DLGAP2: variants seen among roughly 807,000 people sequenced by gnomAD.
The protein encoded by DLGAP2 is disks large-associated protein 2.
In DLGAP2, 26 loss-of-function variants were observed where a neutral mutation model predicts 100.3. That is an observed-to-expected ratio of 0.26 (90% confidence interval 0.19 to 0.36). The LOEUF (loss-of-function observed/expected upper bound fraction) is 0.36, where lower values mean the gene tolerates loss of function less well. DLGAP2 is among the 10% of genes least tolerant of loss of function. The pLI, the probability that DLGAP2 is intolerant of heterozygous loss-of-function variation, is 1.00. For synonymous variants in DLGAP2, 886 were observed against 630.1 expected (o/e 1.41, Z -6.08); for missense variants, 1,858 against 1,453.2 (o/e 1.28, Z -4.53).
At chr8:1,652,601 C>T (rs976726142) in intron 8 of DLGAP2, among the ~76,000 whole-genome samples, 5 of 152,086 alleles carry the variant, frequency 3.3e-5, no homozygotes, top group African/African-American at 7.2e-5. Context: ...GTCAGGTCAA[C>T]GACACCTAGG....
At chr8:1,277,117 G>A (rs1022199014) in intron 3 of DLGAP2, among the ~76,000 whole-genome samples, 12 of 152,080 alleles carry the variant, frequency 7.9e-5, no homozygotes, top group African/African-American at 2.9e-4. Flanking sequence ...TTATCTGCAT[G>A]CTCATTCATG....
At chr8:896,224 G>C (rs975525737) in intron 1 of DLGAP2, among the ~76,000 whole-genome samples, 2 of 148,110 alleles carry the variant, frequency 1.4e-5, no homozygotes, top group Non-Finnish European at 3.0e-5. Flanking sequence ...GGATGATAGT[G>C]GCTAGGTAGG....
chr8:1,544,274 T>G (rs1024966732), intron 4 of DLGAP2, among the ~76,000 whole-genome samples: 2 of 152,188 alleles, frequency 1.3e-5, no homozygotes, highest in East Asian at 3.9e-4. Flanking sequence ...TGGAATTGCT[T>G]TTCTAATTTC....
intron 3 of DLGAP2, among the ~76,000 whole-genome samples, chr8:1,455,007 A>T (rs1798266299): frequency 6.6e-6 from 1 of 151,984 alleles, no homozygotes; most frequent in South Asian, 2.1e-4. Context: ...ACCCGTGAGC[A>T]CTGTCAGCTA....
At chr8:1,492,557 C>T (rs901892631) in intron 3 of DLGAP2, among the ~76,000 whole-genome samples, 2 of 152,222 alleles carry the variant, frequency 1.3e-5, no homozygotes, top group African/African-American at 2.4e-5. Context: ...CCGCGCTTCG[C>T]TCCGCAAACA....
At chr8:857,563 C>T (rs1032426050) in intron 1 of DLGAP2, among the ~76,000 whole-genome samples, 5 of 152,070 alleles carry the variant, frequency 3.3e-5, no homozygotes, top group Admixed American at 6.5e-5. Context: ...AGATGACAAG[C>T]CACTGAAAAG....
chr8:1,041,988 C>T (rs905020482), intron 2 of DLGAP2, among the ~76,000 whole-genome samples: 8 of 152,220 alleles, frequency 5.3e-5, no homozygotes, highest in South Asian at 4.1e-4. Flanking sequence ...TCTTCTGGCT[C>T]GGCTGTCGAG....
intron 8 of DLGAP2, among the ~76,000 whole-genome samples, chr8:1,636,940 T>C (rs1217963386): frequency 2.0e-5 from 3 of 152,252 alleles, no homozygotes; most frequent in Non-Finnish European, 1.5e-5. Context: ...GCAGGGCATA[T>C]TCAGGTGTGT....
intron 6 of DLGAP2, chr8:1,604,628 AT>A (rs1796736564): frequency 6.6e-6 from 1 of 152,252 alleles, no homozygotes; most frequent in African/African-American, 2.4e-5. Context: ...ACATACTAGC[AT>A]GCGGAAGACC....
At chr8:1,425,904 A>G (rs1365911249) in intron 3 of DLGAP2, among the ~76,000 whole-genome samples, 2 of 152,182 alleles carry the variant, frequency 1.3e-5, no homozygotes, top group Non-Finnish European at 2.9e-5. Flanking sequence ...CAGGGAAGAA[A>G]GGAGACTGGG....
At chr8:1,203,126 G>A (rs562802487) in intron 2 of DLGAP2, among the ~76,000 whole-genome samples, 25 of 152,180 alleles carry the variant, frequency 1.6e-4, no homozygotes, top group South Asian at 4.2e-4. Flanking sequence ...TTGTTAGTTC[G>A]TTTGTTTGTT....
At chr8:1,082,773 C>G (rs929774228) in intron 2 of DLGAP2, among the ~76,000 whole-genome samples, 1 of 152,186 alleles carries the variant, frequency 6.6e-6, no homozygotes, top group Non-Finnish European at 1.5e-5. Flanking sequence ...GAACAAAACA[C>G]TACTTTGTGG....
chr8:1,672,809 A>G (rs1798723800), intron 10 of DLGAP2, among the ~76,000 whole-genome samples: 1 of 152,224 alleles, frequency 6.6e-6, no homozygotes, highest in Admixed American at 6.5e-5. Context: ...CTCAGAGGGA[A>G]ATAAACAGGA....
chr8:1,573,037 G>A (rs1802803629), intron 6 of DLGAP2, among the ~76,000 whole-genome samples: 7 of 58,236 alleles, frequency 1.2e-4, no homozygotes, highest in African/African-American at 1.5e-4. Context: ...CTGTGGGGGT[G>A]TCTGATGAGA....
chr8:773,721 C>CA (rs1821429948), intron 1 of DLGAP2, among the ~76,000 whole-genome samples: 1 of 152,002 alleles, frequency 6.6e-6, no homozygotes, highest in Admixed American at 6.6e-5. Context: ...TGTATATATG[C>CA]CACATTTTCT....
chr8:1,376,258 C>G (rs1184300771), intron 3 of DLGAP2, among the ~76,000 whole-genome samples: 1 of 152,256 alleles, frequency 6.6e-6, no homozygotes, highest in Admixed American at 6.5e-5. Context: ...GACGTGCTGT[C>G]TCATAGCTGT....
chr8:1,139,029 C>T (rs138842396), intron 2 of DLGAP2, among the ~76,000 whole-genome samples: 334 of 152,366 alleles, frequency 2.2e-3, no homozygotes, highest in African/African-American at 3.7e-3. Flanking sequence ...TGGCTGGTTA[C>T]GCACTGTTCT....
At chr8:1,090,562 AG>A (rs1804145292) in intron 2 of DLGAP2, among the ~76,000 whole-genome samples, 1 of 152,202 alleles carries the variant, frequency 6.6e-6, no homozygotes, top group South Asian at 2.1e-4. Context: ...GAGAATCCAC[AG>A]GGGGTTTGTC....
chr8:997,686 T>G (rs1195061956), intron 2 of DLGAP2, among the ~76,000 whole-genome samples: 1 of 152,222 alleles, frequency 6.6e-6, no homozygotes, highest in Non-Finnish European at 1.5e-5. Flanking sequence ...AACATAATTC[T>G]TTAAAAGCCT....
Sources: gnomAD v4.1 joint callset for allele counts (sites outside exome capture counted in the v4.1 genomes callset) on GRCh38, gnomAD v4.1.1 for gene constraint, MANE v1.5 for transcripts, NCBI Gene and HGNC (gene_info 2026-07-23, HGNC 2026-07-21) for gene names.